Variants in SNTB1 observed in about 807,000 individuals in gnomAD.
The protein encoded by SNTB1 is beta-1-syntrophin.
Under a neutral mutation model 48.9 loss-of-function variants are expected in SNTB1, and 36 were observed. The ratio of observed to expected loss-of-function variants is 0.74; its 90% CI spans 0.56 to 0.97. The LOEUF (loss-of-function observed/expected upper bound fraction) is 0.97, where lower values mean the gene tolerates loss of function less well. Among genes scored for constraint, SNTB1 ranks in the 50% least tolerant of loss-of-function variants. The probability of loss-of-function intolerance (pLI) is 0.00; values close to 1 mark genes in which losing one functional copy is unlikely to be tolerated. For synonymous variants in SNTB1, 299 were observed against 294.6 expected, an observed-to-expected ratio of 1.01 and a Z score of -0.15; for missense variants, 786 against 703.4, an observed-to-expected ratio of 1.12 and a Z score of -1.33.
intron 3 of SNTB1, among the ~76,000 whole-genome samples, chr8:120,620,750 C>T (rs1299154443): frequency 6.6e-6 from 1 of 150,534 alleles, no homozygotes; most frequent in African/African-American, 2.4e-5. Context: ...TCCAGGCACA[C>T]AAAAGTGAAT....
chr8:120,743,990 C>T, intron 1 of SNTB1, among the ~76,000 whole-genome samples: 1 of 151,910 alleles, frequency 6.6e-6, no homozygotes, highest in Non-Finnish European at 1.5e-5. Context: ...GTTAGCCGGC[C>T]ATGGTGGCAT....
intron 2 of SNTB1, among the ~76,000 whole-genome samples, chr8:120,660,354 C>T (rs1817569688): frequency 2.0e-5 from 3 of 152,212 alleles, no homozygotes; most frequent in Admixed American, 2.0e-4. Context: ...GCTGCAGCTC[C>T]TACATCAGCA....
At chr8:120,743,752 C>T (rs1819081196) in intron 1 of SNTB1, among the ~76,000 whole-genome samples, 1 of 152,208 alleles carries the variant, frequency 6.6e-6, no homozygotes, top group African/African-American at 2.4e-5. Context: ...TGTTCCTAAA[C>T]TTGTGTATCT....
rs778508015 is a variant in SNTB1 at position 120,693,773 on chromosome 8, G to C, written c.707C>G (p.Ser236Cys). 6.2e-7 allele frequency: 1 copy of C among 1,613,990 alleles called. No homozygotes were observed. The highest frequency in any genetic ancestry group is 2.2e-5 in the East Asian group (1 of 44,878). ...GATGCTTTTCCGGTCTCTGTGGAAGGAGAAGGACTGCGATGACGGGGGGTC... is the reference window on the plus strand; with the variant it reads ...GATGCTTTTCCGGTCTCTGTGGAAGCAGAAGGACTGCGATGACGGGGGGTC... The part of the protein sequence containing the change: ...TSDPPSSQSF[S>C]FHRDRKSIPL... Residue 236 changes from serine to cysteine, a missense_variant, in exon 2 of 7, where the codon TCC (serine) becomes TGC (cysteine). Physicochemically the swap from Ser to Cys is moderately radical, Grantham distance 112 (BLOSUM62 -1). Transcript: ENST00000517992.
intron 3 of SNTB1, among the ~76,000 whole-genome samples, chr8:120,579,101 C>T (rs544199888): frequency 1.6e-4 from 24 of 152,152 alleles, no homozygotes; most frequent in African/African-American, 3.6e-4. Context: ...CACTTGAACC[C>T]GGGAGGCAGA....
At chr8:120,647,684 A>T (rs1476815628) in intron 2 of SNTB1, among the ~76,000 whole-genome samples, 1 of 115,976 alleles carries the variant, frequency 8.6e-6, no homozygotes. Context: ...TATTAGGTCC[A>T]CTTGGTGCAG....
At chr8:120,546,413 A>G (rs1434428771) in intron 5 of SNTB1, among the ~76,000 whole-genome samples, 1 of 152,190 alleles carries the variant, frequency 6.6e-6, no homozygotes, top group East Asian at 1.9e-4. Flanking sequence ...GTAAGATTGC[A>G]TGGTATGCGT....
intron 1 of SNTB1, among the ~76,000 whole-genome samples, chr8:120,768,205 G>A (rs1819559676): frequency 6.6e-6 from 1 of 152,146 alleles, no homozygotes; most frequent in Non-Finnish European, 1.5e-5. Context: ...ACCTGTACAT[G>A]ATGTTACCGC....
intron 2 of SNTB1, among the ~76,000 whole-genome samples, chr8:120,690,447 A>T (rs1232675321): frequency 6.6e-6 from 1 of 152,174 alleles, no homozygotes; most frequent in Non-Finnish European, 1.5e-5. Flanking sequence ...TTTCCGCTAT[A>T]AAAGTTGCTG....
intron 3 of SNTB1, among the ~76,000 whole-genome samples, chr8:120,585,245 T>C (rs1816120678): frequency 6.6e-6 from 1 of 152,192 alleles, no homozygotes; most frequent in Non-Finnish European, 1.5e-5. Flanking sequence ...CATAGGCAGT[T>C]AGAATCATAA....
chr8:120,810,369 G>A (rs539509815), intron 1 of SNTB1, among the ~76,000 whole-genome samples: 25 of 152,176 alleles, frequency 1.6e-4, no homozygotes, highest in Non-Finnish European at 3.4e-4. Context: ...ACATAGCCAT[G>A]AACAGTGCAA....
chr8:120,581,158 GAAAAGGAAGAAAA>G (rs1816043857), intron 3 of SNTB1, among the ~76,000 whole-genome samples: 1 of 151,406 alleles, frequency 6.6e-6, no homozygotes, highest in African/African-American at 2.4e-5. Context: ...AAAGGAGAAT[GAAAAGGAAGAAAA>G]GGCAAAGGAG....
At chr8:120,697,386 C>G (rs1446603658) in intron 1 of SNTB1, among the ~76,000 whole-genome samples, 1 of 152,102 alleles carries the variant, frequency 6.6e-6, no homozygotes, top group Non-Finnish European at 1.5e-5. Context: ...CTCATTCGGT[C>G]AAAACTTATC....
chr8:120,624,315 C>T (rs1466504080), intron 3 of SNTB1, among the ~76,000 whole-genome samples: 1 of 152,160 alleles, frequency 6.6e-6, no homozygotes, highest in Non-Finnish European at 1.5e-5. Context: ...GAGGGGCCTG[C>T]ACCTGGTGAG....
chr8:120,675,164 C>T (rs1214763893), intron 2 of SNTB1, among the ~76,000 whole-genome samples: 1 of 152,150 alleles, frequency 6.6e-6, no homozygotes. Flanking sequence ...TACAATCATT[C>T]ACTTGGATGG....
chr8:120,761,881 G>C (rs893489410), intron 1 of SNTB1, among the ~76,000 whole-genome samples: 3 of 152,190 alleles, frequency 2.0e-5, no homozygotes, highest in Non-Finnish European at 2.9e-5. Context: ...TAGTAACTCA[G>C]ACTAAGATGC....
intron 1 of SNTB1, among the ~76,000 whole-genome samples, chr8:120,802,477 T>C (rs550301733): frequency 1.8e-4 from 28 of 152,118 alleles, no homozygotes; most frequent in South Asian, 4.1e-4. Flanking sequence ...GTCTGGTTGA[T>C]GGAAAACATC....
chr8:120,602,120 CA>C (rs1816430812), intron 3 of SNTB1, among the ~76,000 whole-genome samples: 2 of 152,182 alleles, frequency 1.3e-5, no homozygotes, highest in Non-Finnish European at 2.9e-5. Flanking sequence ...GTTTTTGGTA[CA>C]GTCATCTGTC....
intron 1 of SNTB1, among the ~76,000 whole-genome samples, chr8:120,788,260 A>G (rs1386946612): frequency 6.6e-6 from 1 of 152,172 alleles, no homozygotes; most frequent in Non-Finnish European, 1.5e-5. Flanking sequence ...GCTGCTACAC[A>G]TTGGAATAGA....
Sources: allele counts gnomAD v4.1 joint callset (sites outside exome capture counted in the v4.1 genomes callset), GRCh38; gene constraint gnomAD v4.1.1; transcripts MANE v1.5; gene names NCBI Gene and HGNC (gene_info 2026-07-23, HGNC 2026-07-21).